Variants in RIMKLB observed in about 807,000 individuals in gnomAD.
RIMKLB encodes the protein ribosomal modification protein rimK like family member B.
In RIMKLB, 7 loss-of-function variants were observed where a neutral mutation model predicts 32.0. The observed-to-expected ratio is 0.22, with a 90% CI of 0.12 to 0.41. The LOEUF is 0.41. Among genes scored for constraint, RIMKLB ranks in the 10% least tolerant of loss-of-function variants. The pLI is 1.00. For missense variants in RIMKLB, 289 were observed against 498.7 expected (o/e 0.58, Z 4.00); for synonymous variants, 172 against 185.1 (o/e 0.93, Z 0.57).
chr12:8,747,558 G>T (rs959372923), intron 2 of RIMKLB, among the ~76,000 whole-genome samples: 9 of 151,922 alleles, frequency 5.9e-5, no homozygotes, highest in African/African-American at 2.2e-4. Flanking sequence ...TGAGAGCAAG[G>T]ACCTTATTTT....
At position 8,775,223 on chromosome 12, in the gene RIMKLB, G is replaced by A; in HGVS notation, c.*1439G>A. 2 of 985,650 alleles carry A rather than the reference G, an allele frequency of 2.0e-6. No homozygotes were observed. Among genetic ancestry groups the A allele is most frequent in the Non-Finnish European group, 2.4e-6 (2 of 829,842 alleles). 61.1% of individuals were successfully genotyped at this position (985,650 alleles called of 1,614,324 possible). A position where few individuals can be genotyped will look rare whatever the true frequency, so the allele number is the denominator to read the frequency against. ...TTACATATAGGATTTGGGATTGGGG[G>A]TGGGTTGGATGTTTTTGTTTGGGGA... On this transcript the variant is annotated 3_prime_UTR_variant, in exon 6 of 6. Coordinates refer to ENST00000535829, the MANE Select transcript of RIMKLB (RefSeq NM_001297776.2).
chr12:8,686,592 G>C (rs1391686793), intron 1 of RIMKLB, among the ~76,000 whole-genome samples: 3 of 151,668 alleles, frequency 2.0e-5, no homozygotes, highest in Admixed American at 2.0e-4. Context: ...CCATTCTCCT[G>C]CCTCAGCCTC....
chr12:8,673,214 A>G, the RIMKLB span, among the ~76,000 whole-genome samples: 1 of 151,980 alleles, frequency 6.6e-6, no homozygotes, highest in East Asian at 1.9e-4. Context: ...GTAATGCAAG[A>G]ACAGCCTAAT....
chr12:8,726,216 T>C (rs1264214988), intron 2 of RIMKLB, among the ~76,000 whole-genome samples: 7 of 152,234 alleles, frequency 4.6e-5, no homozygotes, highest in Non-Finnish European at 7.3e-5. Context: ...CTTCATTGTT[T>C]CGTGTTGTCA....
intron 2 of RIMKLB, among the ~76,000 whole-genome samples, chr12:8,743,226 C>T (rs544442913): frequency 1.1e-4 from 17 of 151,190 alleles, no homozygotes; most frequent in Non-Finnish European, 1.9e-4. Flanking sequence ...TGGTGATGCT[C>T]GCCTGTAATC....
chr12:8,773,940 C>G lies in RIMKLB; in HGVS notation c.*156C>G, dbSNP rs1462721860. On this transcript the variant is annotated 3_prime_UTR_variant, in exon 6 of 6. Transcript: ENST00000535829. ...AGAGAGTGGGAGATAGATGAGACCT[C>G]TGCTAGTAAGATGTTACTTTCATTT... 3 of 1,419,414 alleles carry G rather than the reference C, an allele frequency of 2.1e-6. No individual in the cohort carries two copies. Among genetic ancestry groups the G allele is most frequent in the Non-Finnish European group, 2.8e-6 (3 of 1,090,620 alleles). 87.9% of individuals were successfully genotyped at this position (1,419,414 alleles called of 1,614,324 possible). A position where few individuals can be genotyped will look rare whatever the true frequency, so the allele number is the denominator to read the frequency against.
chr12:8,696,815 T>A (rs1339250991), upstream of RIMKLB, among the ~76,000 whole-genome samples: 2 of 152,074 alleles, frequency 1.3e-5, no homozygotes, highest in Admixed American at 1.3e-4. Context: ...CAGTGAAAAG[T>A]TGTTGGCTGA....
chr12:8,682,494 C>T (rs1051010847), intron 1 of RIMKLB, among the ~76,000 whole-genome samples: 2 of 151,912 alleles, frequency 1.3e-5, no homozygotes, highest in Non-Finnish European at 2.9e-5. Flanking sequence ...GGGAAATGGC[C>T]GGGTGCGGTG....
rs897393208 is a variant in RIMKLB at position 8,774,824 on chromosome 12, C to T, written c.*1040C>T. On this transcript the variant is annotated 3_prime_UTR_variant, in exon 6 of 6. Coordinates refer to ENST00000535829, the MANE Select transcript of RIMKLB (RefSeq NM_001297776.2). ...TCTAAGTATAAAGCTGAAGTGATTT[C>T]GAATGCCAGCGTTATATATTTGCAT... 8.1e-6 allele frequency: 8 copies of T among 985,290 alleles called. No individual in the cohort carries two copies. Among genetic ancestry groups the T allele is most frequent in the South Asian group, 4.7e-5 (1 of 21,276 alleles). 61.0% of individuals were successfully genotyped at this position (985,290 alleles called of 1,614,324 possible).
chr12:8,723,805 T>C (rs796135098), intron 2 of RIMKLB, among the ~76,000 whole-genome samples: 13 of 31,620 alleles, frequency 4.1e-4, no homozygotes, highest in South Asian at 2.6e-3. Flanking sequence ...TTCAGTTCCC[T>C]TTTTTTTTTT....
chr12:8,677,834 C>T (rs1433403942), upstream of RIMKLB, among the ~76,000 whole-genome samples: 1 of 151,504 alleles, frequency 6.6e-6, no homozygotes, highest in Non-Finnish European at 1.5e-5. Flanking sequence ...CTCACTGGAA[C>T]CTCCACCTCC....
chr12:8,744,547 A>C (rs1363592133), intron 2 of RIMKLB, among the ~76,000 whole-genome samples: 1 of 151,112 alleles, frequency 6.6e-6, no homozygotes, highest in Non-Finnish European at 1.5e-5. Flanking sequence ...AGCTTTTCTC[A>C]AAATTTAATC....
At chr12:8,690,949 GA>G (rs1372498982) in intron 1 of RIMKLB, among the ~76,000 whole-genome samples, 2 of 151,916 alleles carry the variant, frequency 1.3e-5, no homozygotes, top group Non-Finnish European at 1.5e-5. Context: ...AAAAAAAGAA[GA>G]TAATCCAAAC....
intron 2 of RIMKLB, chr12:8,742,545 T>A (rs1591835781): frequency 8.4e-6 from 3 of 358,846 alleles, no homozygotes; most frequent in Non-Finnish European, 1.6e-5. Flanking sequence ...GGAATATGTA[T>A]CTATAAAAGA....
upstream of RIMKLB, among the ~76,000 whole-genome samples, chr12:8,694,686 G>T (rs1045925850): frequency 6.6e-6 from 1 of 152,122 alleles, no homozygotes; most frequent in Admixed American, 6.6e-5. Context: ...GAGCCACCCT[G>T]CCCGGTCCCT....
chr12:8,746,700 C>G (rs1392267867), intron 2 of RIMKLB, among the ~76,000 whole-genome samples: 1 of 152,040 alleles, frequency 6.6e-6, no homozygotes, highest in Non-Finnish European at 1.5e-5. Flanking sequence ...TGCTGATGAC[C>G]ACATACCTAC....
chr12:8,713,714 A>T lies in RIMKLB; in HGVS notation c.-56-97A>T, dbSNP rs1016661565. 2.3e-5 allele frequency: 17 copies of T among 754,856 alleles called. No homozygotes were observed. The Admixed American group carries it at 4.0e-4, about 18-fold the overall frequency. The allele number at this position is 754,856 out of a possible 1,614,324, so 46.8% of individuals were successfully genotyped here. On this transcript the variant is annotated intron_variant, in intron 1 of 5. Transcript: ENST00000535829. Reference sequence around the variant, plus strand: ...TCTACACGTGTTTTTTCCTGTTTATATAATTAGTATATAATCACGGCATTT... The same window carrying T: ...TCTACACGTGTTTTTTCCTGTTTATTTAATTAGTATATAATCACGGCATTT...
At chr12:8,672,136 A>G in the RIMKLB span, among the ~76,000 whole-genome samples, 2 of 152,222 alleles carry the variant, frequency 1.3e-5, no homozygotes, top group Admixed American at 6.5e-5. Flanking sequence ...CAAGTTCCTC[A>G]TCTCCATCTG....
intron 4 of RIMKLB, among the ~76,000 whole-genome samples, chr12:8,752,749 T>G (rs939310196): frequency 6.6e-6 from 1 of 151,454 alleles, no homozygotes; most frequent in Non-Finnish European, 1.5e-5. Flanking sequence ...TGTTTTTTGT[T>G]TTTTTTTTGA....
Sources: allele counts gnomAD v4.1 joint callset (sites outside exome capture counted in the v4.1 genomes callset), GRCh38; gene constraint gnomAD v4.1.1; transcripts MANE v1.5; gene names NCBI Gene and HGNC (gene_info 2026-07-23, HGNC 2026-07-21).